PTPRD: variants seen among roughly 807,000 people sequenced by gnomAD.
PTPRD encodes the protein protein tyrosine phosphatase receptor type D.
Under a neutral mutation model 214.5 loss-of-function variants are expected in PTPRD, and 34 were observed. That is an observed-to-expected ratio of 0.16 (90% CI 0.12 to 0.21). The LOEUF (loss-of-function observed/expected upper bound fraction) is 0.21. Ranked by LOEUF, PTPRD falls within the 10% of genes least tolerant of loss-of-function variation. The pLI, the probability that PTPRD is intolerant of heterozygous loss-of-function variation, is 1.00. For synonymous variants in PTPRD, 1,128 were observed against 845.7 expected (o/e 1.33, Z -5.79); for missense variants, 2,545 against 2,398.7 (o/e 1.06, Z -1.27).
At chr9:9,294,860 C>T (rs1952468851) in intron 9 of PTPRD, among the ~76,000 whole-genome samples, 1 of 151,596 alleles carries the variant, frequency 6.6e-6, no homozygotes, top group South Asian at 2.1e-4. Context: ...AATTTATAAG[C>T]TTTAAGATTA....
At chr9:9,669,958 C>G (rs953483655) in intron 7 of PTPRD, among the ~76,000 whole-genome samples, 3 of 152,128 alleles carry the variant, frequency 2.0e-5, no homozygotes, top group Non-Finnish European at 4.4e-5. Flanking sequence ...TACAAATGTT[C>G]TAATTGCCCC....
At chr9:9,127,917 G>C (rs1429300594) in intron 10 of PTPRD, among the ~76,000 whole-genome samples, 1 of 152,152 alleles carries the variant, frequency 6.6e-6, no homozygotes, top group Non-Finnish European at 1.5e-5. Flanking sequence ...GCCACTACTA[G>C]AATATCTGGT....
intron 7 of PTPRD, among the ~76,000 whole-genome samples, chr9:9,628,503 T>G (rs1016736412): frequency 8.5e-5 from 13 of 152,182 alleles, no homozygotes; most frequent in African/African-American, 2.9e-4. Flanking sequence ...ATCCAGGATC[T>G]GCACACAGCT....
intron 39 of PTPRD, among the ~76,000 whole-genome samples, chr9:8,368,933 T>C (rs2134260676): frequency 6.6e-6 from 1 of 152,232 alleles, no homozygotes; most frequent in Non-Finnish European, 1.5e-5. Context: ...AGGACATAAT[T>C]TGTACACTCC....
intron 9 of PTPRD, among the ~76,000 whole-genome samples, chr9:9,363,620 G>C (rs981631471): frequency 4.6e-5 from 7 of 151,156 alleles, no homozygotes; most frequent in Admixed American, 6.6e-5. Flanking sequence ...CATAGATGCA[G>C]GGTTTTTCTA....
chr9:9,295,159 G>A (rs1357044998), intron 9 of PTPRD, among the ~76,000 whole-genome samples: 2 of 151,708 alleles, frequency 1.3e-5, no homozygotes, highest in East Asian at 3.9e-4. Context: ...CTTTAAAACA[G>A]ATTTCAGGGG....
At chr9:10,348,056 TA>T (rs991372607) in intron 2 of PTPRD, among the ~76,000 whole-genome samples, 2 of 152,092 alleles carry the variant, frequency 1.3e-5, no homozygotes, top group African/African-American at 4.8e-5. Context: ...AGACTTCGTC[TA>T]AAAAAACAAA....
intron 4 of PTPRD, among the ~76,000 whole-genome samples, chr9:9,987,628 A>G (rs2095765009): frequency 2.0e-5 from 3 of 152,276 alleles, no homozygotes; most frequent in Admixed American, 2.0e-4. Context: ...ACCATATCTA[A>G]TGCTAAAGTA....
At chr9:10,352,116 A>G (rs1266565811) in intron 2 of PTPRD, among the ~76,000 whole-genome samples, 1 of 151,972 alleles carries the variant, frequency 6.6e-6, no homozygotes, top group Non-Finnish European at 1.5e-5. Context: ...AGCAAATCAT[A>G]TTTATCTCAT....
intron 12 of PTPRD, among the ~76,000 whole-genome samples, chr9:8,642,977 A>G (rs1245088246): frequency 6.6e-6 from 1 of 152,148 alleles, no homozygotes; most frequent in Non-Finnish European, 1.5e-5. Context: ...GGTAGCTTCC[A>G]TAGCAGAGGT....
rs190214828 is a variant in PTPRD at position 9,901,429 on chromosome 9, A to C, written c.-368+37078T>G. ...ATCTTAAAAAATGCATTGCAAAGAT[A>C]ATCCTCTTTCATTATGCTTTTACAA... On this transcript the variant is annotated intron_variant, in intron 5 of 45. Transcript: ENST00000381196. 4.7e-3 allele frequency among the ~76,000 whole-genome samples: 629 copies of C among 134,530 alleles called. 6 individuals are homozygous for C. The highest frequency in any genetic ancestry group is 0.02 in the African/African-American group (602 of 30,590). The allele number at this position is 134,530 out of a possible 152,430, so 88.3% of individuals were successfully genotyped here.
chr9:10,419,013 T>G (rs2098521256), intron 2 of PTPRD, among the ~76,000 whole-genome samples: 1 of 151,852 alleles, frequency 6.6e-6, no homozygotes, highest in Non-Finnish European at 1.5e-5. Flanking sequence ...AATTTAGGAC[T>G]TAGCAGAGAA....
chr9:9,186,631 CCTCTCTCTCTCTCT>C (rs141616035), intron 9 of PTPRD, among the ~76,000 whole-genome samples: 7 of 140,964 alleles, frequency 5.0e-5, no homozygotes, highest in African/African-American at 1.1e-4. Context: ...TCTGTCTCTC[CCTCTCTCTCTCTCT>C]CTCTCTCTCT....
At chr9:8,965,700 T>A (rs2099189557) in intron 11 of PTPRD, among the ~76,000 whole-genome samples, 1 of 152,130 alleles carries the variant, frequency 6.6e-6, no homozygotes, top group Non-Finnish European at 1.5e-5. Context: ...GGGCAAAAAC[T>A]GGAAGCATTC....
At chr9:8,624,514 A>T (rs554532416) in intron 14 of PTPRD, among the ~76,000 whole-genome samples, 1 of 151,962 alleles carries the variant, frequency 6.6e-6, no homozygotes, top group South Asian at 2.1e-4. Flanking sequence ...TTCAGTAGTG[A>T]TGGGAGAGCC....
At chr9:8,809,737 T>G (rs1473269580) in intron 11 of PTPRD, among the ~76,000 whole-genome samples, 1 of 152,192 alleles carries the variant, frequency 6.6e-6, no homozygotes, top group Non-Finnish European at 1.5e-5. Flanking sequence ...ACAACACTGC[T>G]GTCGAGAGCC....
intron 9 of PTPRD, among the ~76,000 whole-genome samples, chr9:9,388,486 G>C (rs554495746): frequency 6.6e-6 from 1 of 152,248 alleles, no homozygotes; most frequent in Non-Finnish European, 1.5e-5. Context: ...TGGGAGAAGA[G>C]ACATGAACTA....
At chr9:9,194,462 C>T (rs1224842848) in intron 9 of PTPRD, among the ~76,000 whole-genome samples, 1 of 152,116 alleles carries the variant, frequency 6.6e-6, no homozygotes, top group Non-Finnish European at 1.5e-5. Context: ...ACCAGCATCG[C>T]CACAAACATA....
At chr9:10,272,131 C>A in intron 3 of PTPRD, among the ~76,000 whole-genome samples, 1 of 152,102 alleles carries the variant, frequency 6.6e-6, no homozygotes, top group East Asian at 1.9e-4. Context: ...CAATCATAAA[C>A]GTGCTTTCTC....
Sources: allele counts gnomAD v4.1 joint callset (sites outside exome capture counted in the v4.1 genomes callset), GRCh38; gene constraint gnomAD v4.1.1; transcripts MANE v1.5; gene names NCBI Gene and HGNC (gene_info 2026-07-23, HGNC 2026-07-21).